The following NALCN variants were observed in gnomAD, a reference collection of about 807,000 sequenced individuals.
The protein encoded by NALCN is sodium leak channel NALCN.
NALCN carries 111 observed loss-of-function variants against 225.3 expected under a neutral mutation model. The observed-to-expected ratio is 0.49, with a 90% CI of 0.42 to 0.58. NALCN has a LOEUF of 0.58. Ranked by LOEUF, NALCN falls within the 20% of genes least tolerant of loss-of-function variation. The pLI, the probability that NALCN is intolerant of heterozygous loss-of-function variation, is 0.00. For missense variants in NALCN, 1,378 were observed against 2,202.4 expected (o/e 0.63, Z 7.49); for synonymous variants, 764 against 769.0 (o/e 0.99, Z 0.11).
upstream of NALCN, among the ~76,000 whole-genome samples, chr13:101,416,831 C>T (rs2047961797): frequency 6.6e-6 from 1 of 151,906 alleles, no homozygotes; most frequent in Non-Finnish European, 1.5e-5. Context: ...CGGGCACACG[C>T]GGGGTACACT....
intron 39 of NALCN, among the ~76,000 whole-genome samples, chr13:101,066,803 G>C (rs919091088): frequency 8.6e-5 from 13 of 151,978 alleles, no homozygotes; most frequent in Non-Finnish European, 1.6e-4. Context: ...TGATGCCCAG[G>C]CTGGCTTCTT....
chr13:101,376,091 T>C (rs1302043489), intron 6 of NALCN, among the ~76,000 whole-genome samples: 1 of 152,148 alleles, frequency 6.6e-6, no homozygotes, highest in Non-Finnish European at 1.5e-5. Flanking sequence ...AGAAATGATG[T>C]TATAATCATT....
intron 39 of NALCN, 62 bp from the exon 40 acceptor site, chr13:101,065,623 CAAAA>C: frequency 6.7e-7 from 1 of 1,500,794 alleles, no homozygotes; most frequent in Non-Finnish European, 8.9e-7. Flanking sequence ...TTGGGTTTCT[CAAAA>C]GAAAAAAAAA....
chr13:101,127,151 T>A (rs1452954410), intron 17 of NALCN, among the ~76,000 whole-genome samples: 1 of 152,204 alleles, frequency 6.6e-6, no homozygotes, highest in East Asian at 1.9e-4. Context: ...TAATATCTGG[T>A]ACACTATTGC....
intron 2 of NALCN, among the ~76,000 whole-genome samples, chr13:101,398,782 G>C (rs948151424): frequency 5.9e-5 from 9 of 152,090 alleles, no homozygotes; most frequent in African/African-American, 1.9e-4. Context: ...TGAGGACAGG[G>C]TGCACAGCGT....
chr13:101,405,924 T>C (rs550923153), intron 1 of NALCN, among the ~76,000 whole-genome samples: 1 of 152,242 alleles, frequency 6.6e-6, no homozygotes, highest in African/African-American at 2.4e-5. Context: ...CACTGGTTGA[T>C]TTCAACCCAA....
In NALCN at chr13:101,136,441, C is replaced by A. The variant is rs1344461472; in HGVS notation, c.2118+6639G>T. Among the ~76,000 whole-genome samples, 4 of 151,618 alleles carry A rather than the reference C, an allele frequency of 2.6e-5. No individual in the cohort carries two copies. The East Asian group carries it at 7.7e-4, about 29-fold the overall frequency. On this transcript the variant is annotated intron_variant, in intron 17 of 43. Transcript: ENST00000251127. ...TTTACATTAGGTATATCTCCTAATA[C>A]TATCCCTCCCCCCTCCCCCTGCCCC...
At chr13:101,199,834 C>T (rs1006603066) in intron 13 of NALCN, among the ~76,000 whole-genome samples, 8 of 151,906 alleles carry the variant, frequency 5.3e-5, no homozygotes, top group Non-Finnish European at 8.8e-5. Flanking sequence ...AGGGATGCTC[C>T]GGGTGAAAAC....
chr13:101,129,727 T>G (rs2036420893), intron 17 of NALCN, among the ~76,000 whole-genome samples: 1 of 151,968 alleles, frequency 6.6e-6, no homozygotes, highest in Admixed American at 6.6e-5. Context: ...TTTTTTTTTT[T>G]TTTTTTAGTT....
chr13:101,248,789 G>T (rs184226815), intron 11 of NALCN, among the ~76,000 whole-genome samples: 1 of 152,230 alleles, frequency 6.6e-6, no homozygotes, highest in East Asian at 1.9e-4. Flanking sequence ...CAACCTTTTT[G>T]CTTTAATAAA....
chr13:101,285,196 G>C (rs1047130164), intron 9 of NALCN, among the ~76,000 whole-genome samples: 30 of 152,346 alleles, frequency 2.0e-4, no homozygotes, highest in Admixed American at 1.1e-3. Context: ...CCTGGTAGTA[G>C]TGGTGGTAGA....
At chr13:101,088,806 C>T (rs569092620) in intron 30 of NALCN, among the ~76,000 whole-genome samples, 44 of 152,332 alleles carry the variant, frequency 2.9e-4, no homozygotes, top group African/African-American at 1.0e-3. Context: ...CATTTGTGAG[C>T]CTTTGTTCTA....
chr13:101,340,950 T>A (rs1314994686), intron 7 of NALCN, among the ~76,000 whole-genome samples: 8 of 152,028 alleles, frequency 5.3e-5, no homozygotes, highest in Admixed American at 5.2e-4. Flanking sequence ...GAAAGTAATT[T>A]CTGAGTTTAT....
chr13:101,351,299 A>G (rs960773102), intron 6 of NALCN, among the ~76,000 whole-genome samples: 2 of 152,210 alleles, frequency 1.3e-5, no homozygotes, highest in East Asian at 3.9e-4. Flanking sequence ...GCTTCCATGT[A>G]TCAAAATGAG....
intron 15 of NALCN, among the ~76,000 whole-genome samples, chr13:101,162,057 C>T (rs2038212180): frequency 6.6e-6 from 1 of 152,148 alleles, no homozygotes. Context: ...CCTGACCCAC[C>T]ACACCTCCGT....
At chr13:101,150,953 T>C (rs2037617246) in intron 15 of NALCN, among the ~76,000 whole-genome samples, 1 of 152,136 alleles carries the variant, frequency 6.6e-6, no homozygotes, top group Admixed American at 6.5e-5. Flanking sequence ...CAAAGGAAGT[T>C]TATAATGGCC....
At chr13:101,074,376 A>G in intron 36 of NALCN, 138 bp downstream of exon 36, 1 of 726,738 alleles carries the variant, frequency 1.4e-6, no homozygotes, top group East Asian at 3.3e-5. Flanking sequence ...AAACTTGGCT[A>G]TTTTATTTTA....
intron 17 of NALCN, among the ~76,000 whole-genome samples, chr13:101,139,832 C>T (rs144859058): frequency 0.013 from 2,034 of 152,200 alleles, 26 homozygotes; most frequent in Non-Finnish European, 0.023. Context: ...AAAGGCTTGC[C>T]GTATTCATAA....
At chr13:101,219,113 G>T (rs1247582768) in intron 13 of NALCN, among the ~76,000 whole-genome samples, 4 of 152,060 alleles carry the variant, frequency 2.6e-5, no homozygotes, top group African/African-American at 7.2e-5. Flanking sequence ...ATACATTTTT[G>T]GGGGAACACT....
Sources: gnomAD v4.1 joint callset for allele counts (sites outside exome capture counted in the v4.1 genomes callset) on GRCh38, gnomAD v4.1.1 for gene constraint, MANE v1.5 for transcripts, NCBI Gene and HGNC (gene_info 2026-07-23, HGNC 2026-07-21) for gene names.